ST3GAL3: variants seen among roughly 807,000 people sequenced by gnomAD.
ST3GAL3 encodes the protein CMP-N-acetylneuraminate-beta-1,4-galactoside alpha-2,3-sialyltransferase.
In ST3GAL3, 21 loss-of-function variants were observed where a neutral mutation model predicts 50.1. The ratio of observed to expected loss-of-function variants is 0.42; its 90% CI spans 0.30 to 0.60. ST3GAL3 has a LOEUF of 0.60. Among genes scored for constraint, ST3GAL3 ranks in the 20% least tolerant of loss-of-function variants. The pLI, the probability that ST3GAL3 is intolerant of heterozygous loss-of-function variation, is 0.19. For synonymous variants in ST3GAL3, 183 were observed against 190.0 expected (o/e 0.96, Z 0.30); for missense variants, 353 against 489.4 (o/e 0.72, Z 2.63).
At chr1:43,867,282 G>A (rs1171116454) in intron 5 of ST3GAL3, among the ~76,000 whole-genome samples, 3 of 152,198 alleles carry the variant, frequency 2.0e-5, no homozygotes, top group Non-Finnish European at 4.4e-5. Context: ...TGAAACTTGG[G>A]TGGGGACACA....
chr1:43,926,664 C>A (rs2084015589), intron 11 of ST3GAL3, among the ~76,000 whole-genome samples: 1 of 152,076 alleles, frequency 6.6e-6, no homozygotes, highest in South Asian at 2.1e-4. Context: ...CATCAATACT[C>A]AGAATCAAGG....
At chr1:43,733,531 T>G (rs932277857) in intron 1 of ST3GAL3, among the ~76,000 whole-genome samples, 5 of 152,254 alleles carry the variant, frequency 3.3e-5, no homozygotes, top group African/African-American at 7.2e-5. Context: ...CTATTTGAGA[T>G]AACATATTTC....
At chr1:43,736,965 A>G (rs754694232) in intron 2 of ST3GAL3, 4 of 212,702 alleles carry the variant, frequency 1.9e-5, no homozygotes, top group Non-Finnish European at 3.8e-5. Flanking sequence ...CATGTGTTAC[A>G]TAGTGTTTTC....
At chr1:43,826,819 C>T (rs930270891) in intron 4 of ST3GAL3, among the ~76,000 whole-genome samples, 2 of 152,152 alleles carry the variant, frequency 1.3e-5, no homozygotes, top group Non-Finnish European at 2.9e-5. Context: ...TATTCTGTTA[C>T]ATCAACAGGC....
chr1:43,713,966 A>G (rs1666033150), intron 1 of ST3GAL3, among the ~76,000 whole-genome samples: 1 of 152,174 alleles, frequency 6.6e-6, no homozygotes, highest in Non-Finnish European at 1.5e-5. Flanking sequence ...GAGACAGTTG[A>G]TAAGAATGCC....
intron 1 of ST3GAL3, among the ~76,000 whole-genome samples, chr1:43,714,938 T>C (rs1350324439): frequency 1.3e-5 from 2 of 152,234 alleles, no homozygotes; most frequent in Admixed American, 6.5e-5. Context: ...TTTATGTTAC[T>C]CTGATGAAAT....
At chr1:43,879,897 G>T (rs1357836384) in intron 5 of ST3GAL3, among the ~76,000 whole-genome samples, 1 of 152,192 alleles carries the variant, frequency 6.6e-6, no homozygotes, top group East Asian at 1.9e-4. Context: ...AACGTGGTTG[G>T]ATCCATCTGA....
chr1:43,828,250 A>C (rs2063081260), intron 4 of ST3GAL3, among the ~76,000 whole-genome samples: 1 of 152,246 alleles, frequency 6.6e-6, no homozygotes, highest in African/African-American at 2.4e-5. Context: ...AATTAACTCA[A>C]AATGGAACCT....
chr1:43,799,504 T>G (rs2059080730), intron 3 of ST3GAL3: 1 of 152,188 alleles, frequency 6.6e-6, no homozygotes, highest in African/African-American at 2.4e-5. Context: ...TCCTCATAGA[T>G]GGAACCTTCT....
At chr1:43,796,023 G>A (rs543783182) in intron 3 of ST3GAL3, among the ~76,000 whole-genome samples, 2 of 152,286 alleles carry the variant, frequency 1.3e-5, no homozygotes, top group South Asian at 4.1e-4. Context: ...AGACAGAGGG[G>A]AATATCCCAA....
chr1:43,905,212 C>T (rs1461414474), intron 9 of ST3GAL3, among the ~76,000 whole-genome samples: 74 of 111,810 alleles, frequency 6.6e-4, no homozygotes, highest in East Asian at 3.3e-3. Flanking sequence ...TCCCCCTCCT[C>T]CTGTTCCTCT....
intron 11 of ST3GAL3, chr1:43,921,483 G>A (rs1456764119): frequency 2.2e-5 from 9 of 402,784 alleles, no homozygotes; most frequent in South Asian, 2.4e-4. Flanking sequence ...TCTGAACTCC[G>A]CTTGCCACAC....
intron 2 of ST3GAL3, among the ~76,000 whole-genome samples, chr1:43,791,376 T>C (rs535079958): frequency 4.6e-5 from 7 of 152,222 alleles, no homozygotes; most frequent in Non-Finnish European, 8.8e-5. Context: ...TAGTATAGTA[T>C]CTTGCACATA....
chr1:43,878,388 T>G (rs567708279), intron 5 of ST3GAL3, among the ~76,000 whole-genome samples: 8 of 151,986 alleles, frequency 5.3e-5, no homozygotes, highest in Non-Finnish European at 1.0e-4. Context: ...ATAAATGCCA[T>G]GGGAAGAAAG....
At chr1:43,870,074 C>T (rs1398673226) in intron 5 of ST3GAL3, among the ~76,000 whole-genome samples, 1 of 152,322 alleles carries the variant, frequency 6.6e-6, no homozygotes, top group East Asian at 1.9e-4. Context: ...GGAGCATTTA[C>T]CCCAGAGTCA....
At chr1:43,731,227 T>C (rs1373751136) in intron 1 of ST3GAL3, among the ~76,000 whole-genome samples, 2 of 152,084 alleles carry the variant, frequency 1.3e-5, no homozygotes, top group Non-Finnish European at 2.9e-5. Flanking sequence ...ATTTTTATTA[T>C]TGAGATAGAG....
At chr1:43,745,723 G>A (rs1199478252) in intron 2 of ST3GAL3, among the ~76,000 whole-genome samples, 1 of 152,202 alleles carries the variant, frequency 6.6e-6, no homozygotes, top group Admixed American at 6.5e-5. Context: ...CCGCCCTCTG[G>A]GTTGAAGCAA....
chr1:43,930,000 T>G (rs566182466), intron 11 of ST3GAL3, 132 bp from the exon 12 acceptor site: 6 of 793,262 alleles, frequency 7.6e-6, no homozygotes, highest in South Asian at 6.7e-5. Flanking sequence ...CACAACTGAT[T>G]ACCAGTATCT....
At chr1:43,820,592 T>C (rs1356218714) in intron 4 of ST3GAL3, among the ~76,000 whole-genome samples, 1 of 152,210 alleles carries the variant, frequency 6.6e-6, no homozygotes, top group Non-Finnish European at 1.5e-5. Flanking sequence ...ATAGACATTT[T>C]AGATTTTTTT....
Sources: allele counts gnomAD v4.1 joint callset (sites outside exome capture counted in the v4.1 genomes callset), GRCh38; gene constraint gnomAD v4.1.1; transcripts MANE v1.5; gene names NCBI Gene and HGNC (gene_info 2026-07-23, HGNC 2026-07-21).